SIM2: variants seen among roughly 807,000 people sequenced by gnomAD.
SIM2 encodes the protein single-minded homolog 2.
In SIM2, 28 loss-of-function variants were observed where a neutral mutation model predicts 64.8. That is an observed-to-expected ratio of 0.43 (90% CI 0.32 to 0.59). The LOEUF (loss-of-function observed/expected upper bound fraction) is 0.59, where lower values mean the gene tolerates loss of function less well. Ranked by LOEUF, SIM2 falls within the 20% of genes least tolerant of loss-of-function variation. The pLI, the probability that SIM2 is intolerant of heterozygous loss-of-function variation, is 0.07. For synonymous variants in SIM2, 408 were observed against 391.1 expected, an observed-to-expected ratio of 1.04 and a Z score of -0.51; for missense variants, 847 against 871.4, an observed-to-expected ratio of 0.97 and a Z score of 0.35.
intron 1 of SIM2, among the ~76,000 whole-genome samples, chr21:36,705,595 G>T (rs910926050): frequency 2.6e-5 from 4 of 152,214 alleles, no homozygotes; most frequent in Non-Finnish European, 5.9e-5. Context: ...AGAAATAGAG[G>T]TTAGAGGTCG....
At position 36,745,924 on chromosome 21, in the gene SIM2, T is replaced by A; in HGVS notation, c.1576+788T>A. 1 of 1,273,090 alleles carries A rather than the reference T, an allele frequency of 7.9e-7. No homozygotes were observed. Among genetic ancestry groups the A allele is most frequent in the Non-Finnish European group, 1.0e-6 (1 of 969,994 alleles). 78.9% of individuals were successfully genotyped at this position (1,273,090 alleles called of 1,614,324 possible). ...AGAGGTTTAGCTGCAGGACATGTATTCCCATTGCACCGAGACCTAACTGCC... is the reference window on the plus strand; with the variant it reads ...AGAGGTTTAGCTGCAGGACATGTATACCCATTGCACCGAGACCTAACTGCC... On this transcript the variant is annotated intron_variant, in intron 10 of 10. Coordinates refer to ENST00000290399, the MANE Select transcript of SIM2 (RefSeq NM_005069.6). This position sits in a 1 kb window ranked among gnomAD's most constrained non-coding sequence, Gnocchi z 4.8.
At chr21:36,704,433 G>C (rs1464062304) in intron 1 of SIM2, among the ~76,000 whole-genome samples, 1 of 152,264 alleles carries the variant, frequency 6.6e-6, no homozygotes. Flanking sequence ...AGCCTGCCAG[G>C]CTGCAGCTGG....
At chr21:36,713,898 C>T (rs1207787538) in intron 3 of SIM2, among the ~76,000 whole-genome samples, 1 of 152,226 alleles carries the variant, frequency 6.6e-6, no homozygotes, top group Non-Finnish European at 1.5e-5. Context: ...TTCTCTTCCT[C>T]TTCTCTGCTT....
intron 2 of SIM2, among the ~76,000 whole-genome samples, chr21:36,711,625 G>A (rs959673295): frequency 7.9e-5 from 12 of 152,168 alleles, no homozygotes; most frequent in African/African-American, 2.9e-4. Context: ...AATAGAATTT[G>A]TGGCCAGAAA....
chr21:36,733,739 T>G (rs1409448788), intron 7 of SIM2, among the ~76,000 whole-genome samples: 6 of 152,134 alleles, frequency 3.9e-5, no homozygotes, highest in African/African-American at 1.4e-4. Context: ...TTTTTTGTAT[T>G]TTTAGTAGAG....
Position 36,745,239 on chromosome 21 carries a change from T to G in SIM2, c.1576+103T>G, listed in dbSNP as rs2089215977. 2 of 1,475,088 alleles carry G rather than the reference T, an allele frequency of 1.4e-6. No individual in the cohort carries two copies. The highest frequency in any genetic ancestry group is 1.8e-6 in the Non-Finnish European group (2 of 1,110,142). 91.4% of individuals were successfully genotyped at this position (1,475,088 alleles called of 1,614,324 possible). A position where few individuals can be genotyped will look rare whatever the true frequency, so the allele number is the denominator to read the frequency against. On this transcript the variant is annotated intron_variant, in intron 10 of 10. Transcript: ENST00000290399. This position sits in a 1 kb window ranked among gnomAD's most constrained non-coding sequence, Gnocchi z 4.8. The stretch of plus-strand genomic sequence containing the variant: ...CAGATGGAGACAGAACCCTCACGCT[T>G]TGGGCAAACTTGCCCTCTTTCTGCT...
chr21:36,709,093 C>A, intron 1 of SIM2, 75 bp from the exon 2 acceptor site: 1 of 1,351,600 alleles, frequency 7.4e-7, no homozygotes, highest in Admixed American at 2.2e-5. Context: ...TGCAGGGGTT[C>A]CGCGTGACCT....
At position 36,729,820 on chromosome 21, in the gene SIM2, C is replaced by T. The variant is rs140210699; in HGVS notation, c.744-1225C>T. Among the ~76,000 whole-genome samples the T allele has an allele frequency of 1.1e-4, 16 of 152,302 alleles. No homozygotes were observed. In the East Asian group the frequency reaches 3.1e-3, roughly 29 times the overall value. ...CCTGGGAAACCATCGTTGCCACGTG[C>T]AGCTTCCACCTACGGCCAGAGCGAT... On this transcript the variant is annotated intron_variant, in intron 6 of 10. Coordinates refer to ENST00000290399, the MANE Select transcript of SIM2 (RefSeq NM_005069.6).
chr21:36,742,400 CT>C (rs778507395), intron 8 of SIM2, among the ~76,000 whole-genome samples: 186 of 144,636 alleles, frequency 1.3e-3, no homozygotes, highest in East Asian at 2.8e-3. Context: ...TCGCAAATGC[CT>C]TTTTTTTTTT....
chr21:36,709,113 C>T, intron 1 of SIM2, 55 bp from the exon 2 acceptor site: 2 of 1,499,688 alleles, frequency 1.3e-6, no homozygotes, highest in Admixed American at 2.0e-5. Context: ...TGCCCGGCTC[C>T]CAGGCATCGG....
intron 3 of SIM2, among the ~76,000 whole-genome samples, chr21:36,713,131 C>T (rs550937121): frequency 2.6e-5 from 4 of 152,268 alleles, no homozygotes; most frequent in African/African-American, 7.2e-5. Context: ...TGACTTTTTC[C>T]AGTTCAGTGG....
chr21:36,719,199 C>T (rs982640049), intron 3 of SIM2, among the ~76,000 whole-genome samples: 14 of 152,250 alleles, frequency 9.2e-5, no homozygotes, highest in East Asian at 5.8e-4. Flanking sequence ...ACAGTCATCT[C>T]GGACTGGGAG....
chr21:36,725,234 C>T (rs557217850), intron 5 of SIM2, among the ~76,000 whole-genome samples: 331 of 152,148 alleles, frequency 2.2e-3, no homozygotes, highest in African/African-American at 6.9e-3. Flanking sequence ...CCTGTGGTCC[C>T]AGCTACTCAG....
In SIM2 at chr21:36,731,095, T is replaced by C; in HGVS notation, c.794T>C (p.Leu265Pro). 6.2e-7 allele frequency: 1 copy of C among 1,614,106 alleles called. No homozygotes were observed. Among genetic ancestry groups the C allele is most frequent in the Non-Finnish European group, 8.5e-7 (1 of 1,180,016 alleles). The change falls in exon 7 of 11, where the codon CTA (leucine) becomes CCA (proline). Residue 265 changes from leucine to proline, a missense_variant. Leu to Pro is a moderately conservative substitution (Grantham distance 98, BLOSUM62 -3). Around this residue, in one of 3 missense-constraint regions of SIM2, gnomAD observed 397 missense variants for 439.2 expected, o/e 0.90. Coordinates refer to ENST00000290399, the MANE Select transcript of SIM2 (RefSeq NM_005069.6). ...YEPQDLIEKT[L>P]YHHVHGCDVF... ...CCGCAGGACCTGATCGAGAAGACCC[T>C]ATACCATCACGTGCACGGCTGCGAC...
In SIM2 at chr21:36,716,076, C is replaced by T. The variant is rs146840200; in HGVS notation, c.348+3454C>T. ...GAAAACTCCCGTTGGTGGGCACACT[C>T]GCACACGTGTCCACACACAAAGCAT... On this transcript the variant is annotated intron_variant, in intron 3 of 10. Coordinates refer to ENST00000290399, the MANE Select transcript of SIM2 (RefSeq NM_005069.6). Among the ~76,000 whole-genome samples, 184 of 152,314 alleles carry T rather than the reference C, an allele frequency of 1.2e-3. 1 individual carries two copies. Among genetic ancestry groups the T allele is most frequent in the African/African-American group, 4.1e-3 (170 of 41,568 alleles).
At chr21:36,709,052 C>G in intron 1 of SIM2, 116 bp from the exon 2 acceptor site, 1 of 840,976 alleles carries the variant, frequency 1.2e-6, no homozygotes, top group Non-Finnish European at 1.8e-6. Flanking sequence ...GGCGGGGAGA[C>G]GCGCGGGACT....
intron 6 of SIM2, among the ~76,000 whole-genome samples, 190 bp from the exon 7 acceptor site, chr21:36,730,855 A>AGT (rs1207619497): frequency 6.6e-6 from 1 of 152,342 alleles, no homozygotes; most frequent in Non-Finnish European, 1.5e-5. Flanking sequence ...ATTCATGAAT[A>AGT]GTGCTACATC....
intron 7 of SIM2, among the ~76,000 whole-genome samples, chr21:36,735,559 G>C (rs1330369879): frequency 1.4e-5 from 1 of 69,468 alleles, no homozygotes; most frequent in African/African-American, 6.3e-5. Flanking sequence ...TCCTGGCTTT[G>C]TACCAATAGC....
At position 36,725,189 on chromosome 21, in the gene SIM2, T is replaced by A. The variant is rs568314053; in HGVS notation, c.544-930T>A. 6.6e-5 allele frequency among the ~76,000 whole-genome samples: 10 copies of A among 152,040 alleles called. No homozygotes were observed. The South Asian group carries it at 1.3e-3, about 19-fold the overall frequency. On this transcript the variant is annotated intron_variant, in intron 5 of 10. Coordinates refer to ENST00000290399, the MANE Select transcript of SIM2 (RefSeq NM_005069.6). The stretch of plus-strand genomic sequence containing the variant: ...AATGAGACCTTGTCTCTACAAAAAA[T>A]TTTTTAAAAAATTAGCCAGGCACGG...
Sources: allele counts gnomAD v4.1 joint callset (sites outside exome capture counted in the v4.1 genomes callset), GRCh38; gene constraint gnomAD v4.1.1; regional missense constraint gnomAD v4.1.1; non-coding constraint Gnocchi (gnomAD v3.1); transcripts MANE v1.5; gene names NCBI Gene and HGNC (gene_info 2026-07-23, HGNC 2026-07-21).